Variants in MPPED2 observed in about 807,000 individuals in gnomAD.
MPPED2 encodes metallophosphoesterase domain containing 2.
Under a neutral mutation model 33.0 loss-of-function variants are expected in MPPED2, and 5 were observed. The ratio of observed to expected loss-of-function variants is 0.15; its 90% CI spans 0.08 to 0.32. MPPED2 has a LOEUF of 0.32. Ranked by LOEUF, MPPED2 falls within the 10% of genes least tolerant of loss-of-function variation. The probability of loss-of-function intolerance (pLI) is 1.00; values close to 1 mark genes in which losing one functional copy is unlikely to be tolerated. For synonymous variants in MPPED2, 136 were observed against 141.9 expected (o/e 0.96, Z 0.29); for missense variants, 275 against 372.1 (o/e 0.74, Z 2.15).
At chr11:30,384,954 A>G (rs1947686883) in exon 7 of MPPED2, 1 of 152,196 alleles carries the variant, frequency 6.6e-6, no homozygotes, top group African/African-American at 2.4e-5. Flanking sequence ...TTGTCACAAA[A>G]TGACAAGCCA....
chr11:30,506,198 C>T (rs545131177), intron 3 of MPPED2, among the ~76,000 whole-genome samples: 29 of 152,076 alleles, frequency 1.9e-4, no homozygotes, highest in South Asian at 1.2e-3. Context: ...CCACCACCCC[C>T]GGCTAATTTT....
At chr11:30,431,497 G>C (rs1485344983) in intron 4 of MPPED2, among the ~76,000 whole-genome samples, 1 of 152,198 alleles carries the variant, frequency 6.6e-6, no homozygotes, top group Non-Finnish European at 1.5e-5. Context: ...AAAGCTCCTA[G>C]CAGAGTGCAT....
chr11:30,393,139 A>C (rs1402119885), intron 6 of MPPED2, among the ~76,000 whole-genome samples: 1 of 152,116 alleles, frequency 6.6e-6, no homozygotes, highest in Non-Finnish European at 1.5e-5. Context: ...ACTATGAGTC[A>C]TGTGGGTCAG....
intron 3 of MPPED2, among the ~76,000 whole-genome samples, chr11:30,520,171 T>C (rs2134368179): frequency 6.6e-6 from 1 of 152,306 alleles, no homozygotes; most frequent in East Asian, 1.9e-4. Context: ...AAAAGAATGC[T>C]GCTTCTTTCC....
chr11:30,389,495 A>T (rs1237252621), intron 6 of MPPED2, among the ~76,000 whole-genome samples: 3 of 152,214 alleles, frequency 2.0e-5, no homozygotes, highest in Non-Finnish European at 4.4e-5. Context: ...ATGTATTCAT[A>T]AAATGTATGC....
At chr11:30,450,202 A>G (rs1454629417) in intron 4 of MPPED2, among the ~76,000 whole-genome samples, 1 of 152,124 alleles carries the variant, frequency 6.6e-6, no homozygotes, top group African/African-American at 2.4e-5. Context: ...TTTCCAAAAT[A>G]TTAATTGAGC....
At chr11:30,457,313 C>T (rs1469859092) in intron 4 of MPPED2, among the ~76,000 whole-genome samples, 1 of 150,236 alleles carries the variant, frequency 6.7e-6, no homozygotes, top group Non-Finnish European at 1.5e-5. Context: ...GTCATAAGCC[C>T]GTACTATAAA....
At position 30,497,053 on chromosome 11, in the gene MPPED2, C is replaced by A. The variant is rs1049544943; in HGVS notation, c.311-1532G>T. On this transcript the variant is annotated intron_variant, in intron 3 of 6. Transcript: ENST00000358117. The stretch of plus-strand genomic sequence containing the variant: ...GCTGAGGCCAAGCAGCAATGGATAT[C>A]TTTGACTACTAGCCCACAGTGCTGT... Among the ~76,000 whole-genome samples, 4 of 152,300 alleles carry A rather than the reference C, an allele frequency of 2.6e-5. No homozygotes were observed. The East Asian group carries it at 5.8e-4, about 22-fold the overall frequency.
chr11:30,520,236 C>A (rs1953786536), intron 3 of MPPED2, among the ~76,000 whole-genome samples: 2 of 152,156 alleles, frequency 1.3e-5, no homozygotes, highest in South Asian at 4.1e-4. Context: ...AAAAAGTTTA[C>A]CCCAGTTTCA....
chr11:30,476,278 T>C (rs1426882368), intron 4 of MPPED2, among the ~76,000 whole-genome samples: 1 of 152,052 alleles, frequency 6.6e-6, no homozygotes. Context: ...GTCATTATTT[T>C]CTTCAGTGGT....
downstream of MPPED2, among the ~76,000 whole-genome samples, chr11:30,409,383 C>T (rs1201276529): frequency 6.6e-6 from 1 of 152,186 alleles, no homozygotes; most frequent in African/African-American, 2.4e-5. Context: ...GTCATGAGCT[C>T]CCTCTGGGAA....
chr11:30,490,343 A>G (rs1951922130), intron 4 of MPPED2, among the ~76,000 whole-genome samples: 1 of 152,212 alleles, frequency 6.6e-6, no homozygotes, highest in Admixed American at 6.5e-5. Context: ...GAATGAGAAA[A>G]AAACAACAAT....
chr11:30,567,374 G>C (rs771384747), intron 2 of MPPED2, among the ~76,000 whole-genome samples: 11 of 152,186 alleles, frequency 7.2e-5, no homozygotes, highest in African/African-American at 2.7e-4. Flanking sequence ...TTTAGGGCAA[G>C]AGTTTCATGT....
intron 4 of MPPED2, among the ~76,000 whole-genome samples, chr11:30,485,745 G>T (rs188473657): frequency 3.3e-5 from 5 of 152,190 alleles, no homozygotes; most frequent in Admixed American, 1.3e-4. Flanking sequence ...CAAAGCCTTC[G>T]CCATCAGAGG....
intron 4 of MPPED2, among the ~76,000 whole-genome samples, chr11:30,440,137 C>T (rs965278032): frequency 6.6e-6 from 1 of 152,098 alleles, no homozygotes; most frequent in African/African-American, 2.4e-5. Flanking sequence ...CAAGACCAGC[C>T]TGGCCAACAT....
chr11:30,514,395 C>A (rs499369), intron 3 of MPPED2, among the ~76,000 whole-genome samples: 21,099 of 152,176 alleles, frequency 0.14, 2,558 homozygotes, highest in African/African-American at 0.33. Context: ...AGCAGTCATT[C>A]TCAAACCTTT....
At chr11:30,535,922 A>G in intron 3 of MPPED2, 72 bp downstream of exon 3, 1 of 1,346,434 alleles carries the variant, frequency 7.4e-7, no homozygotes, top group Non-Finnish European at 1.0e-6. Context: ...GCTCTAATTC[A>G]ATTAGGACGC....
chr11:30,531,297 C>T (rs1236851507), intron 3 of MPPED2, among the ~76,000 whole-genome samples: 1 of 152,198 alleles, frequency 6.6e-6, no homozygotes, highest in Non-Finnish European at 1.5e-5. Context: ...GAAGACAGCA[C>T]TACGGGCAGC....
chr11:30,545,557 G>A (rs140221838), intron 2 of MPPED2, among the ~76,000 whole-genome samples: 5 of 152,270 alleles, frequency 3.3e-5, no homozygotes, highest in East Asian at 1.9e-4. Flanking sequence ...TGATGATGAT[G>A]ATGAGAAATG....
Sources: gnomAD v4.1 joint callset for allele counts (sites outside exome capture counted in the v4.1 genomes callset) on GRCh38, gnomAD v4.1.1 for gene constraint, MANE v1.5 for transcripts, NCBI Gene and HGNC (gene_info 2026-07-23, HGNC 2026-07-21) for gene names.